The following CTNNA2 variants were observed in gnomAD, a reference collection of about 807,000 sequenced individuals.
The protein encoded by CTNNA2 is catenin alpha 2, also known as catenin alpha-2.
In CTNNA2, 42 loss-of-function variants were observed where a neutral mutation model predicts 101.0. That is an observed-to-expected ratio of 0.42 (90% CI 0.32 to 0.54). The LOEUF (loss-of-function observed/expected upper bound fraction) is 0.54, where lower values mean the gene tolerates loss of function less well. Ranked by LOEUF, CTNNA2 falls within the 20% of genes least tolerant of loss-of-function variation. The probability of loss-of-function intolerance (pLI) is 0.14; values close to 1 mark genes in which losing one functional copy is unlikely to be tolerated. For synonymous variants in CTNNA2, 450 were observed against 456.4 expected (o/e 0.99, Z 0.18); for missense variants, 871 against 1,223.1 (o/e 0.71, Z 4.29).
rs532257662 is a variant in CTNNA2 at position 80,153,054 on chromosome 2, C to T, written c.1057-240157C>T. On this transcript the variant is annotated intron_variant, in intron 7 of 18. Transcript: ENST00000402739. Reference sequence around the variant, plus strand: ...ATCTTTGACTTTTTCTTCCTGCTCCCGCAGAACACCGTGGTGAAATTTGCA... The same window carrying T: ...ATCTTTGACTTTTTCTTCCTGCTCCTGCAGAACACCGTGGTGAAATTTGCA... Among the ~76,000 whole-genome samples, 4 of 152,276 alleles carry T rather than the reference C, an allele frequency of 2.6e-5. No individual in the cohort carries two copies. The East Asian group carries it at 5.8e-4, about 22-fold the overall frequency.
At chr2:80,414,980 T>C (rs984203381) in intron 8 of CTNNA2, among the ~76,000 whole-genome samples, 2 of 152,152 alleles carry the variant, frequency 1.3e-5, no homozygotes, top group African/African-American at 4.8e-5. Context: ...TACTGGTCAG[T>C]GGCCCACACT....
chr2:79,475,281 G>C (rs1274422736), intron 4 of CTNNA2, among the ~76,000 whole-genome samples: 3 of 151,838 alleles, frequency 2.0e-5, no homozygotes, highest in Non-Finnish European at 1.5e-5. Flanking sequence ...AAACCACCAA[G>C]TGGGAGAAAA....
chr2:80,285,300 A>G (rs1419448282), intron 7 of CTNNA2, among the ~76,000 whole-genome samples: 1 of 152,198 alleles, frequency 6.6e-6, no homozygotes, highest in Non-Finnish European at 1.5e-5. Flanking sequence ...TCTCTAAGGA[A>G]GAGATTCTGC....
chr2:80,448,271 G>A (rs1683223402), intron 9 of CTNNA2, among the ~76,000 whole-genome samples: 1 of 152,206 alleles, frequency 6.6e-6, no homozygotes, highest in Admixed American at 6.5e-5. Context: ...CTAAGCAAGG[G>A]AGGAGTGGGT....
chr2:80,047,446 G>A (rs1696602514), intron 7 of CTNNA2, among the ~76,000 whole-genome samples: 1 of 152,154 alleles, frequency 6.6e-6, no homozygotes, highest in Non-Finnish European at 1.5e-5. Flanking sequence ...TCTGGTATTT[G>A]GAAGTGGGAG....
At position 80,635,571 on chromosome 2, in the gene CTNNA2, G is replaced by A. The variant is rs145612700; in HGVS notation, c.2575-12014G>A. Among the ~76,000 whole-genome samples, 504 of 152,186 alleles carry A rather than the reference G, an allele frequency of 3.3e-3. 4 individuals carry two copies. The highest frequency in any genetic ancestry group is 7.3e-3 in the South Asian group (35 of 4,820). ...CTGTGCTATAGTTAAGAGCTCATTC[G>A]TTATGAATTATGTGAGGAGAAATTA... is the stretch of plus-strand genomic sequence containing the variant. On this transcript the variant is annotated intron_variant, in intron 18 of 18. Transcript: ENST00000402739.
chr2:80,006,634 G>C (rs574780180), intron 7 of CTNNA2, among the ~76,000 whole-genome samples: 1 of 152,098 alleles, frequency 6.6e-6, no homozygotes, highest in South Asian at 2.1e-4. Flanking sequence ...TTTCCACTGC[G>C]CTAGGTATCT....
intron 1 of CTNNA2, among the ~76,000 whole-genome samples, chr2:79,627,359 G>A (rs1679386575): frequency 6.6e-6 from 1 of 152,218 alleles, no homozygotes; most frequent in Non-Finnish European, 1.5e-5. Context: ...GTGCCATGGA[G>A]GGGTTGGCAT....
chr2:80,549,264 A>T (rs1323681592), intron 11 of CTNNA2, among the ~76,000 whole-genome samples: 1 of 152,238 alleles, frequency 6.6e-6, no homozygotes, highest in Non-Finnish European at 1.5e-5. Context: ...ACAAAGTAGT[A>T]GGAAGCTAAG....
At chr2:79,717,971 G>T (rs77558861) in intron 2 of CTNNA2, among the ~76,000 whole-genome samples, 1,851 of 152,246 alleles carry the variant, frequency 0.012, 6 homozygotes, top group Non-Finnish European at 0.016. Context: ...GTGTATCCCT[G>T]TTAGGTGGAT....
intron 3 of CTNNA2, among the ~76,000 whole-genome samples, chr2:79,851,523 C>T (rs1319108789): frequency 6.6e-6 from 1 of 152,078 alleles, no homozygotes; most frequent in African/African-American, 2.4e-5. Flanking sequence ...TGTTGCTTTC[C>T]TCTCTAAAAA....
chr2:79,515,707 C>G (rs1408478155), intron 1 of CTNNA2, among the ~76,000 whole-genome samples: 1 of 152,172 alleles, frequency 6.6e-6, no homozygotes, highest in East Asian at 1.9e-4. Flanking sequence ...CAACTAGTGT[C>G]TTTGAAAAGC....
At chr2:79,252,118 CCTT>C (rs1264959336) in intron 2 of CTNNA2, among the ~76,000 whole-genome samples, 1 of 152,112 alleles carries the variant, frequency 6.6e-6, no homozygotes, top group African/African-American at 2.4e-5. Context: ...CCAGACTGAC[CCTT>C]TACACCTTAT....
intron 7 of CTNNA2, among the ~76,000 whole-genome samples, chr2:80,232,345 G>GTTTTTTT (rs61454985): frequency 6.6e-4 from 43 of 64,788 alleles, no homozygotes; most frequent in Non-Finnish European, 9.0e-4. Flanking sequence ...TTGTTTGTTT[G>GTTTTTTT]TTTTTTTTTT....
chr2:80,036,823 TTGTG>T lies in CTNNA2; in HGVS notation c.1056+127049_1056+127052del, dbSNP rs1213433697. 1.6e-3 allele frequency among the ~76,000 whole-genome samples: 217 copies of T among 134,812 alleles called. 1 individual carries two copies. The highest frequency in any genetic ancestry group is 5.1e-3 in the African/African-American group (183 of 35,920). The allele number at this position is 134,812 out of a possible 152,430, so 88.4% of individuals were successfully genotyped here. ...TCACTCATTCATTGTGTGTGTGTGTTTGTGTGTGTGTGTGTGTGTGTGTGTGAGA... is the reference window on the plus strand; with the variant it reads ...TCACTCATTCATTGTGTGTGTGTGTTTGTGTGTGTGTGTGTGTGTGTGAGA... On this transcript the variant is annotated intron_variant, in intron 7 of 18. Coordinates refer to ENST00000402739, the MANE Select transcript of CTNNA2 (RefSeq NM_001282597.3).
chr2:79,205,163 A>G (rs1439250733), intron 2 of CTNNA2, among the ~76,000 whole-genome samples: 2 of 152,208 alleles, frequency 1.3e-5, no homozygotes, highest in African/African-American at 4.8e-5. Context: ...GGACACATAC[A>G]GTGGCAGATT....
intron 3 of CTNNA2, among the ~76,000 whole-genome samples, chr2:79,780,541 A>C (rs1422946695): frequency 6.6e-6 from 1 of 152,196 alleles, no homozygotes; most frequent in African/African-American, 2.4e-5. Flanking sequence ...ATAGAGAAAC[A>C]CAACACACAC....
intron 7 of CTNNA2, among the ~76,000 whole-genome samples, chr2:79,962,581 G>T (rs1262585504): frequency 6.6e-6 from 1 of 152,114 alleles, no homozygotes; most frequent in South Asian, 2.1e-4. Context: ...GGTATTATGT[G>T]TTGCATATAA....
At chr2:80,599,072 A>G (rs1697239250) in intron 15 of CTNNA2, among the ~76,000 whole-genome samples, 1 of 152,204 alleles carries the variant, frequency 6.6e-6, no homozygotes, top group Non-Finnish European at 1.5e-5. Context: ...TTAACATGAG[A>G]AAGGCTGGGA....
Sources: allele counts gnomAD v4.1 joint callset (sites outside exome capture counted in the v4.1 genomes callset), GRCh38; gene constraint gnomAD v4.1.1; transcripts MANE v1.5; gene names NCBI Gene and HGNC (gene_info 2026-07-23, HGNC 2026-07-21).